The following CAMTA1 variants were observed in gnomAD, a reference collection of about 807,000 sequenced individuals.
CAMTA1 encodes calmodulin binding transcription activator 1, also known as calmodulin-binding transcription activator 1.
A neutral mutation model predicts 170.9 loss-of-function variants in CAMTA1; 27 were observed. The ratio of observed to expected loss-of-function variants is 0.16; its 90% CI spans 0.12 to 0.22. The LOEUF is 0.22. Ranked by LOEUF, CAMTA1 falls within the 10% of genes least tolerant of loss-of-function variation. The pLI is 1.00. For synonymous variants in CAMTA1, 833 were observed against 891.5 expected, an observed-to-expected ratio of 0.93 and a Z score of 1.17; for missense variants, 1,619 against 2,217.2, an observed-to-expected ratio of 0.73 and a Z score of 5.42.
At position 7,479,031 on chromosome 1, in the gene CAMTA1, G is replaced by T. The variant is rs888943675; in HGVS notation, c.510+11130G>T. 5.5e-4 allele frequency among the ~76,000 whole-genome samples: 84 copies of T among 152,164 alleles called. 2 individuals carry two copies. The highest frequency in any genetic ancestry group is 2.9e-5 in the Non-Finnish European group (2 of 68,034). Reference sequence around the variant, plus strand: ...ACAGAATGCAGTGGAAGACGTGGGCGGTGGGTGACCCACTCTGCGTGTGGA... The same window carrying T: ...ACAGAATGCAGTGGAAGACGTGGGCTGTGGGTGACCCACTCTGCGTGTGGA... On this transcript the variant is annotated intron_variant, in intron 6 of 22. Coordinates refer to ENST00000303635, the MANE Select transcript of CAMTA1 (RefSeq NM_015215.4).
intron 5 of CAMTA1, among the ~76,000 whole-genome samples, chr1:7,415,781 T>C (rs1344655901): frequency 6.6e-6 from 1 of 152,146 alleles, no homozygotes; most frequent in Admixed American, 6.6e-5. Flanking sequence ...TATTATTATG[T>C]GTGAATTTGA....
chr1:6,920,996 C>T (rs748986317), intron 3 of CAMTA1, among the ~76,000 whole-genome samples: 3 of 152,244 alleles, frequency 2.0e-5, no homozygotes, highest in Non-Finnish European at 2.9e-5. Flanking sequence ...GACTAACATT[C>T]GGCTCCTCGT....
In CAMTA1 at chr1:7,421,486, G is replaced by A. The variant is rs774034691; in HGVS notation, c.439-46344G>A. Among the ~76,000 whole-genome samples, 84 of 152,256 alleles carry A rather than the reference G, an allele frequency of 5.5e-4. 1 individual carries two copies. Among genetic ancestry groups the A allele is most frequent in the Non-Finnish European group, 9.8e-4 (67 of 68,024 alleles). On this transcript the variant is annotated intron_variant, in intron 5 of 22. Transcript: ENST00000303635. ...TGAATATTTTTAACCAGATAACACTGGAGTGGAGAGGCTGAACGTGACGAG... is the reference window on the plus strand; with the variant it reads ...TGAATATTTTTAACCAGATAACACTAGAGTGGAGAGGCTGAACGTGACGAG...
chr1:7,570,338 A>G lies in CAMTA1; in HGVS notation c.511-70062A>G, dbSNP rs1239690450. ...TGTAGGTCAATTACACTGTAACCTG[A>G]ATTGGGGCCCTTTCAGAGAGGGCCG... On this transcript the variant is annotated intron_variant, in intron 6 of 22. Transcript: ENST00000303635. This position sits in a 1 kb window ranked among gnomAD's most constrained non-coding sequence, Gnocchi z 4.3. 6.6e-6 allele frequency among the ~76,000 whole-genome samples: 1 copy of G among 152,158 alleles called. No homozygotes were observed. The highest frequency in any genetic ancestry group is 1.5e-5 in the Non-Finnish European group (1 of 68,018).
rs772367489 is a variant in CAMTA1, at chr1:7,113,702, T to G, written c.302+22331T>G. On this transcript the variant is annotated intron_variant, in intron 4 of 22. Coordinates refer to ENST00000303635, the MANE Select transcript of CAMTA1 (RefSeq NM_015215.4). The surrounding 1 kb of genome is among the most constrained non-coding windows in gnomAD (Gnocchi z 4.5). The stretch of plus-strand genomic sequence containing the variant: ...AGATATGCAAAAATAACCTTTAAGT[T>G]TCCCATAATTAACCTTTAATGATAT... Among the ~76,000 whole-genome samples, 1 of 152,180 alleles carries G rather than the reference T, an allele frequency of 6.6e-6. No individual in the cohort carries two copies. The highest frequency in any genetic ancestry group is 1.5e-5 in the Non-Finnish European group (1 of 68,038).
chr1:6,924,158 G>T (rs560362209), intron 3 of CAMTA1, among the ~76,000 whole-genome samples: 1 of 152,332 alleles, frequency 6.6e-6, no homozygotes, highest in South Asian at 2.1e-4. Flanking sequence ...CACATGCCAG[G>T]CACTGTTCCC....
intron 11 of CAMTA1, among the ~76,000 whole-genome samples, chr1:7,721,857 G>A (rs972303504): frequency 6.6e-6 from 1 of 152,000 alleles, no homozygotes. Context: ...CAGGTGATCC[G>A]CCCACCTCAG....
intron 2 of CAMTA1, 104 bp downstream of exon 2, chr1:6,820,354 G>A: frequency 8.6e-7 from 1 of 1,159,632 alleles, no homozygotes; most frequent in South Asian, 1.3e-5. Context: ...GGACTCAGAA[G>A]ACCTGGGTTC....
At chr1:7,098,296 T>C (rs1329390931) in intron 4 of CAMTA1, among the ~76,000 whole-genome samples, 1 of 152,260 alleles carries the variant, frequency 6.6e-6, no homozygotes, top group Non-Finnish European at 1.5e-5. Context: ...CTTTGCATTA[T>C]GCACTGAACC....
chr1:7,734,150 T>C (rs1408213047), intron 12 of CAMTA1, among the ~76,000 whole-genome samples: 1 of 152,200 alleles, frequency 6.6e-6, no homozygotes, highest in Non-Finnish European at 1.5e-5. Flanking sequence ...TTTCCCCACC[T>C]TGGTCAGACT....
chr1:7,519,606 G>A (rs887985523), intron 6 of CAMTA1, among the ~76,000 whole-genome samples: 1 of 151,926 alleles, frequency 6.6e-6, no homozygotes, highest in East Asian at 1.9e-4. Context: ...TCATTGCCCG[G>A]GCCAATGATG....
chr1:7,737,829 T>A, intron 15 of CAMTA1, 130 bp from the exon 16 acceptor site: 1 of 932,270 alleles, frequency 1.1e-6, no homozygotes, highest in Non-Finnish European at 1.6e-6. Flanking sequence ...TGGGGATATT[T>A]AAATGTTAGG....
Position 7,744,931 on chromosome 1 carries a change from A to G in CAMTA1, c.4279A>G (p.Arg1427Gly). 6.2e-7 allele frequency: 1 copy of G among 1,614,170 alleles called. No individual in the cohort carries two copies. The highest frequency in any genetic ancestry group is 8.5e-7 in the Non-Finnish European group (1 of 1,180,032). Residue 1427 changes from arginine to glycine, a missense_variant, in exon 17 of 23, where the codon AGA becomes GGA. Arg to Gly is a moderately radical substitution (Grantham distance 125, BLOSUM62 -2). Coordinates refer to ENST00000303635, the MANE Select transcript of CAMTA1 (RefSeq NM_015215.4). ...FVPMESSGLE[R>G]TDPATISSTM... ...GCCCATGGAGTCCTCAGGATTGGAA[A>G]GAACAGACCCTGCCACCATTAGCAG... is the stretch of plus-strand genomic sequence containing the variant.
intron 7 of CAMTA1, among the ~76,000 whole-genome samples, chr1:7,646,701 T>C (rs1320369506): frequency 6.9e-6 from 1 of 145,596 alleles, no homozygotes. Flanking sequence ...GTGAAAGTCA[T>C]GGTGAGTTGG....
chr1:6,850,669 T>A (rs1175414718), intron 3 of CAMTA1, among the ~76,000 whole-genome samples: 1 of 152,160 alleles, frequency 6.6e-6, no homozygotes, highest in African/African-American at 2.4e-5. Flanking sequence ...GGTGATGAGG[T>A]AGGGAAGCCC....
chr1:7,085,013 T>C (rs1640547731), intron 3 of CAMTA1, among the ~76,000 whole-genome samples: 2 of 152,262 alleles, frequency 1.3e-5, no homozygotes, highest in African/African-American at 4.8e-5. Flanking sequence ...TTTTAAGTTC[T>C]GAGATCCATG....
intron 11 of CAMTA1, among the ~76,000 whole-genome samples, chr1:7,695,014 G>A (rs566162301): frequency 1.3e-5 from 2 of 152,212 alleles, no homozygotes; most frequent in Non-Finnish European, 2.9e-5. Context: ...CATAAAAAAT[G>A]CATCATTGCT....
rs72853805 is a variant in CAMTA1, at chr1:7,666,212, A to G, written c.2652+1013A>G. On this transcript the variant is annotated intron_variant, in intron 9 of 22. Transcript: ENST00000303635. ...AAAAAGTCACCATCATAGATCGTCTACATCCACTGCCTTCACCCTACTTCT... is the reference window on the plus strand; with the variant it reads ...AAAAAGTCACCATCATAGATCGTCTGCATCCACTGCCTTCACCCTACTTCT... 3.5e-3 allele frequency among the ~76,000 whole-genome samples: 534 copies of G among 152,006 alleles called. 4 individuals carry two copies. The highest frequency in any genetic ancestry group is 0.013 in the African/African-American group (521 of 41,486).
At position 7,456,215 on chromosome 1, in the gene CAMTA1, T is replaced by TGGGAGAGAGGGA. The variant is rs2092949235; in HGVS notation, c.439-11606_439-11595dup. Among the ~76,000 whole-genome samples the TGGGAGAGAGGGA allele has an allele frequency of 1.2e-5, 1 of 81,320 alleles. No individual in the cohort carries two copies. 53.3% of individuals were successfully genotyped at this position (81,320 alleles called of 152,430 possible). A position where few individuals can be genotyped will look rare whatever the true frequency, so the allele number is the denominator to read the frequency against. On this transcript the variant is annotated intron_variant, in intron 5 of 22. Transcript: ENST00000303635. This position sits in a 1 kb window ranked among gnomAD's most constrained non-coding sequence, Gnocchi z 4.9. ...AAAAATGGGAGGGAGGGAGGAAGAA[T>TGGGAGAGAGGGA]GGGAGAGAGGGAGGGAGAGAAGGAG...
Sources: gnomAD v4.1 joint callset for allele counts (sites outside exome capture counted in the v4.1 genomes callset) on GRCh38, gnomAD v4.1.1 for gene constraint, Gnocchi (gnomAD v3.1) non-coding constraint, MANE v1.5 for transcripts, NCBI Gene and HGNC (gene_info 2026-07-23, HGNC 2026-07-21) for gene names.